GLIS1: variants seen among roughly 807,000 people sequenced by gnomAD.
The protein encoded by GLIS1 is GLIS family zinc finger 1.
A neutral mutation model predicts 63.8 loss-of-function variants in GLIS1; 24 were observed. The observed-to-expected ratio is 0.38, with a 90% confidence interval of 0.27 to 0.53. GLIS1 has a LOEUF of 0.53. Ranked by LOEUF, GLIS1 falls within the 20% of genes least tolerant of loss-of-function variation. GLIS1 has a pLI of 0.85. For missense variants in GLIS1, 1,036 were observed against 1,074.1 expected (o/e 0.96, Z 0.50); for synonymous variants, 450 against 482.5 (o/e 0.93, Z 0.88).
intron 4 of GLIS1, among the ~76,000 whole-genome samples, chr1:53,548,746 A>G (rs1644729925): frequency 6.6e-6 from 1 of 152,238 alleles, no homozygotes; most frequent in African/African-American, 2.4e-5. Flanking sequence ...TGAACCTTCA[A>G]TAAAGTCAGT....
intron 4 of GLIS1, among the ~76,000 whole-genome samples, chr1:53,583,119 C>G (rs559535096): frequency 4.6e-5 from 7 of 152,288 alleles, no homozygotes; most frequent in African/African-American, 1.7e-4. Flanking sequence ...CAACTAGGGA[C>G]AGCGGGAAGA....
At chr1:53,542,056 T>C (rs1005239615) in intron 4 of GLIS1, among the ~76,000 whole-genome samples, 8 of 152,346 alleles carry the variant, frequency 5.3e-5, no homozygotes, top group African/African-American at 1.9e-4. Context: ...TCTCAGCAGT[T>C]GGGAGCCACT....
intron 4 of GLIS1, among the ~76,000 whole-genome samples, chr1:53,575,269 G>GC (rs572489263): frequency 7.8e-4 from 119 of 152,148 alleles, no homozygotes; most frequent in African/African-American, 2.8e-3. Context: ...CACGCCTCAC[G>GC]CCCCCCTGCT....
chr1:53,580,034 T>A (rs992123216), intron 4 of GLIS1, among the ~76,000 whole-genome samples: 2 of 152,172 alleles, frequency 1.3e-5, no homozygotes, highest in Non-Finnish European at 2.9e-5. Flanking sequence ...ACCGTCCTGA[T>A]GAATAAGGGA....
rs1308775679 is a variant in GLIS1 at position 53,511,815 on chromosome 1, G to A, written c.1884-1788C>T. Among the ~76,000 whole-genome samples the A allele has an allele frequency of 6.6e-6, 1 of 152,104 alleles. No homozygotes were observed. Among genetic ancestry groups the A allele is most frequent in the Admixed American group, 6.5e-5 (1 of 15,270 alleles). ...GGAGAGTGGCTCCTCCTTCCTGCAG[G>A]CCTGCTGTGTGGTGGCTGCCTTATC... On this transcript the variant is annotated intron_variant, in intron 8 of 10. Transcript: ENST00000628545. This position sits in a 1 kb window ranked among gnomAD's most constrained non-coding sequence, Gnocchi z 4.2.
At chr1:53,524,712 C>T in intron 6 of GLIS1, 65 bp downstream of exon 6, 1 of 1,158,214 alleles carries the variant, frequency 8.6e-7, no homozygotes, top group Non-Finnish European at 1.3e-6. Context: ...AGGGTGGGCA[C>T]CTGGCCTGAT....
rs946941951 is a variant in GLIS1 at position 53,539,027 on chromosome 1, G to C, written c.1321-9075C>G. Among the ~76,000 whole-genome samples, 13 of 152,058 alleles carry C rather than the reference G, an allele frequency of 8.5e-5. No individual in the cohort carries two copies. Among genetic ancestry groups the C allele is most frequent in the African/African-American group, 3.1e-4 (13 of 41,364 alleles). On this transcript the variant is annotated intron_variant, in intron 4 of 10. Transcript: ENST00000628545. The surrounding 1 kb of genome is among the most constrained non-coding windows in gnomAD (Gnocchi z 5.0). ...CCAGGGGCTCTCCCAGTGCAGAGCT[G>C]TGGCTAGACATCGTCTGGAATGAGG...
chr1:53,637,828 A>G (rs1454965503), intron 2 of GLIS1, among the ~76,000 whole-genome samples: 1 of 152,162 alleles, frequency 6.6e-6, no homozygotes, highest in Non-Finnish European at 1.5e-5. Flanking sequence ...CCATGTATCA[A>G]GCAGTGATGG....
chr1:53,587,215 G>A (rs183275008), intron 4 of GLIS1, among the ~76,000 whole-genome samples: 3 of 152,258 alleles, frequency 2.0e-5, no homozygotes, highest in East Asian at 1.9e-4. Context: ...GGCATCCCTG[G>A]GTTGCTGTTA....
intron 7 of GLIS1, among the ~76,000 whole-genome samples, chr1:53,520,234 G>A (rs760720969): frequency 1.3e-5 from 2 of 152,182 alleles, no homozygotes; most frequent in Non-Finnish European, 2.9e-5. Context: ...GAAGAGGGCT[G>A]GCTGGGTGTG....
intron 4 of GLIS1, among the ~76,000 whole-genome samples, chr1:53,559,967 T>C (rs1297067952): frequency 6.6e-6 from 1 of 152,134 alleles, no homozygotes; most frequent in Non-Finnish European, 1.5e-5. Flanking sequence ...CTAGATGGTC[T>C]TTCTCCACCT....
chr1:53,687,192 G>A (rs1206291499), intron 2 of GLIS1, among the ~76,000 whole-genome samples: 1 of 152,208 alleles, frequency 6.6e-6, no homozygotes, highest in Admixed American at 6.5e-5. Flanking sequence ...GAGCCAGGCA[G>A]GAGAGCTGGA....
intron 4 of GLIS1, among the ~76,000 whole-genome samples, chr1:53,540,220 C>T (rs1444420991): frequency 6.6e-6 from 1 of 152,238 alleles, no homozygotes; most frequent in Non-Finnish European, 1.5e-5. Flanking sequence ...GCCCACACAG[C>T]CAAGCGGAGA....
At chr1:53,596,380 AC>A (rs1405785765) in intron 3 of GLIS1, among the ~76,000 whole-genome samples, 5 of 151,848 alleles carry the variant, frequency 3.3e-5, no homozygotes, top group African/African-American at 4.8e-5. Context: ...GAGTTAGGAC[AC>A]CCCCCTGGCT....
At chr1:53,728,952 T>C (rs1646831912) in intron 2 of GLIS1, among the ~76,000 whole-genome samples, 1 of 152,226 alleles carries the variant, frequency 6.6e-6, no homozygotes, top group Non-Finnish European at 1.5e-5. Context: ...CCAAGAACTA[T>C]CTGTAGGACA....
intron 2 of GLIS1, among the ~76,000 whole-genome samples, chr1:53,685,364 T>C (rs567854427): frequency 1.6e-4 from 24 of 152,338 alleles, no homozygotes; most frequent in Admixed American, 3.9e-4. Flanking sequence ...AGCGCCGTGG[T>C]GTCTGCGCTG....
intron 4 of GLIS1, among the ~76,000 whole-genome samples, chr1:53,578,170 G>T (rs2100487429): frequency 6.6e-6 from 1 of 152,330 alleles, no homozygotes. Context: ...CTTGAAGTCT[G>T]CAAAGACAGG....
chr1:53,584,898 T>C (rs980396417), intron 4 of GLIS1, among the ~76,000 whole-genome samples: 1 of 152,206 alleles, frequency 6.6e-6, no homozygotes, highest in African/African-American at 2.4e-5. Context: ...AATTCTCAGT[T>C]ACGAAGTTTG....
intron 2 of GLIS1, among the ~76,000 whole-genome samples, chr1:53,677,829 C>T (rs879388673): frequency 2.6e-5 from 4 of 152,246 alleles, no homozygotes; most frequent in South Asian, 4.1e-4. Flanking sequence ...GCCTTCTTCT[C>T]GCTTAAGGGA....
Sources: gnomAD v4.1 joint callset for allele counts (sites outside exome capture counted in the v4.1 genomes callset) on GRCh38, gnomAD v4.1.1 for gene constraint, Gnocchi (gnomAD v3.1) non-coding constraint, MANE v1.5 for transcripts, NCBI Gene and HGNC (gene_info 2026-07-23, HGNC 2026-07-21) for gene names.